NID2: variants seen among roughly 807,000 people sequenced by gnomAD.
NID2 encodes nidogen 2.
Under a neutral mutation model 145.4 loss-of-function variants are expected in NID2, and 83 were observed. The ratio of observed to expected loss-of-function variants is 0.57; its 90% CI spans 0.48 to 0.69. The LOEUF (loss-of-function observed/expected upper bound fraction) is 0.69, where lower values mean the gene tolerates loss of function less well. Among genes scored for constraint, NID2 ranks in the 30% least tolerant of loss-of-function variants. NID2 has a pLI of 0.00. For missense variants in NID2, 1,807 were observed against 1,765.7 expected, an observed-to-expected ratio of 1.02 and a Z score of -0.42; for synonymous variants, 739 against 701.3, an observed-to-expected ratio of 1.05 and a Z score of -0.85.
chr14:52,017,422 T>C (rs1290366649), intron 14 of NID2, among the ~76,000 whole-genome samples: 1 of 152,120 alleles, frequency 6.6e-6, no homozygotes, highest in Non-Finnish European at 1.5e-5. Flanking sequence ...GAGATAGCAG[T>C]TGGGGCCAAA....
chr14:52,006,856 T>C, intron 19 of NID2, 196 bp from the exon 20 acceptor site: 1 of 447,474 alleles, frequency 2.2e-6, no homozygotes, highest in Non-Finnish European at 3.9e-6. Context: ...CTTTCAATCC[T>C]TTTTTGGAAG....
At position 52,005,452 on chromosome 14, in the gene NID2, T is replaced by C; in HGVS notation, c.*34A>G. The C allele has an allele frequency of 6.4e-7, 1 of 1,567,274 alleles. No individual in the cohort carries two copies. Among genetic ancestry groups the C allele is most frequent in the Non-Finnish European group, 8.6e-7 (1 of 1,161,180 alleles). Reference sequence around the variant, plus strand: ...TGTTCTTTAGGGTCCAGGTTCTGATTGTAAACTCCAAGTCTTCCTTTACAT... The same window carrying C: ...TGTTCTTTAGGGTCCAGGTTCTGATCGTAAACTCCAAGTCTTCCTTTACAT... On this transcript the variant is annotated 3_prime_UTR_variant, in exon 22 of 22. Coordinates refer to ENST00000216286, the MANE Select transcript of NID2 (RefSeq NM_007361.4).
chr14:52,013,914 C>A (rs765245650), intron 16 of NID2, among the ~76,000 whole-genome samples: 3 of 152,236 alleles, frequency 2.0e-5, no homozygotes, highest in Non-Finnish European at 4.4e-5. Context: ...GTTGTCCTGT[C>A]ACTTTGATTT....
intron 11 of NID2, among the ~76,000 whole-genome samples, chr14:52,027,661 C>T (rs1891638812): frequency 6.6e-6 from 1 of 151,522 alleles, no homozygotes; most frequent in Non-Finnish European, 1.5e-5. Context: ...CACACACACA[C>T]ACACACGCAG....
At chr14:52,032,443 G>A (rs1471332005) in intron 9 of NID2, among the ~76,000 whole-genome samples, 6 of 152,128 alleles carry the variant, frequency 3.9e-5, no homozygotes. Flanking sequence ...TGACAGGAAA[G>A]AGGCACCGCA....
At chr14:52,032,627 C>G (rs1238982124) in intron 9 of NID2, among the ~76,000 whole-genome samples, 1 of 152,168 alleles carries the variant, frequency 6.6e-6, no homozygotes, top group East Asian at 1.9e-4. Flanking sequence ...TACAAAATGC[C>G]TGGCATACCC....
At chr14:52,014,069 G>C in intron 16 of NID2, 2 of 616,478 alleles carry the variant, frequency 3.2e-6, no homozygotes, top group Non-Finnish European at 5.8e-6. Flanking sequence ...CTCCATGAAC[G>C]AACCAGAGAG....
At chr14:52,011,823 A>C (rs61971549) in intron 16 of NID2, 140 bp from the exon 17 acceptor site, 2 of 993,478 alleles carry the variant, frequency 2.0e-6, no homozygotes, top group South Asian at 1.5e-5. Flanking sequence ...GTAGCTGGAC[A>C]TGTGGGCACT....
chr14:52,019,982 A>G (rs1484546933), intron 13 of NID2, 77 bp downstream of exon 13: 1 of 1,571,114 alleles, frequency 6.4e-7, no homozygotes, highest in African/African-American at 1.4e-5. Context: ...GGCTAAATCA[A>G]GAGTGGGCTG....
intron 14 of NID2, among the ~76,000 whole-genome samples, chr14:52,015,827 G>A (rs544003195): frequency 4.6e-4 from 70 of 152,296 alleles, no homozygotes; most frequent in South Asian, 2.1e-3. Flanking sequence ...AAAGCCCAGC[G>A]CCACGGTGCC....
intron 12 of NID2, among the ~76,000 whole-genome samples, chr14:52,021,131 G>A (rs927155827): frequency 2.0e-5 from 3 of 152,006 alleles, no homozygotes; most frequent in East Asian, 1.9e-4. Flanking sequence ...ATAAACAAAG[G>A]GTGTAGGTCC....
At chr14:52,032,778 G>A (rs1285963477) in intron 9 of NID2, among the ~76,000 whole-genome samples, 1 of 138,688 alleles carries the variant, frequency 7.2e-6, no homozygotes. Context: ...GACATCAAGA[G>A]CTTACCACCC....
chr14:52,059,984 T>C, intron 3 of NID2, 140 bp downstream of exon 3: 1 of 560,948 alleles, frequency 1.8e-6, no homozygotes. Context: ...GGGTTGAATC[T>C]AGTTCCTTGG....
At chr14:52,021,242 T>C (rs1891393769) in intron 12 of NID2, among the ~76,000 whole-genome samples, 1 of 150,866 alleles carries the variant, frequency 6.6e-6, no homozygotes, top group Non-Finnish European at 1.5e-5. Context: ...AAATGTGGGA[T>C]GGTGTGATCA....
At chr14:52,006,742 T>C in intron 19 of NID2, 82 bp from the exon 20 acceptor site, 6 of 1,441,818 alleles carry the variant, frequency 4.2e-6, no homozygotes, top group African/African-American at 1.4e-5. Flanking sequence ...GACACAGTGA[T>C]AGAATGGGGA....
Position 52,068,073 on chromosome 14 carries a change from C to T in NID2, c.319G>A (p.Ala107Thr), listed in dbSNP as rs898511207. Residue 107 changes from alanine (A) to threonine (T), a missense_variant, in exon 2 of 22, where the codon GCC (alanine) becomes ACC (threonine). Physicochemically the swap from Ala to Thr is moderately conservative, Grantham distance 58. Coordinates refer to ENST00000216286, the MANE Select transcript of NID2 (RefSeq NM_007361.4). Reference protein sequence around the residue: ...YDFPTDFPAIAPFLADIDTSH... With the variant: ...YDFPTDFPAITPFLADIDTSH... ...GTGTCGATGTCCGCCAGAAAAGGGG[C>T]GATGGCCGGGAAGTCGGTGGGGAAA... The T allele has an allele frequency of 1.2e-5, 20 of 1,613,550 alleles. No individual in the cohort carries two copies. Among genetic ancestry groups the T allele is most frequent in the Admixed American group, 3.3e-5 (2 of 59,962 alleles).
At chr14:52,031,347 C>G (rs1330645223) in intron 9 of NID2, among the ~76,000 whole-genome samples, 4 of 152,130 alleles carry the variant, frequency 2.6e-5, no homozygotes, top group Non-Finnish European at 5.9e-5. Context: ...GGCAGGTCTA[C>G]CCAGTCTCTA....
intron 3 of NID2, among the ~76,000 whole-genome samples, chr14:52,057,724 A>C (rs865911011): frequency 7.0e-6 from 1 of 143,710 alleles, no homozygotes; most frequent in Non-Finnish European, 1.5e-5. Context: ...AAAAAAAAAA[A>C]AAAGAAAAGA....
intron 2 of NID2, among the ~76,000 whole-genome samples, chr14:52,061,610 C>G (rs1478410576): frequency 1.3e-5 from 2 of 152,106 alleles, no homozygotes; most frequent in African/African-American, 4.8e-5. Flanking sequence ...ACAGAGGCAG[C>G]TGGTGAATGT....
Sources: allele counts gnomAD v4.1 joint callset (sites outside exome capture counted in the v4.1 genomes callset), GRCh38; gene constraint gnomAD v4.1.1; transcripts MANE v1.5; gene names NCBI Gene and HGNC (gene_info 2026-07-23, HGNC 2026-07-21).